The following GALNTL6 variants were observed in gnomAD, a reference collection of about 807,000 sequenced individuals.
The protein encoded by GALNTL6 is polypeptide N-acetylgalactosaminyltransferase like 6, also known as polypeptide N-acetylgalactosaminyltransferase-like 6.
Under a neutral mutation model 73.7 loss-of-function variants are expected in GALNTL6, and 46 were observed. The observed-to-expected ratio is 0.62, with a 90% CI of 0.49 to 0.80. The LOEUF is 0.80. Among genes scored for constraint, GALNTL6 ranks in the 30% least tolerant of loss-of-function variants. GALNTL6 has a pLI of 0.00. For missense variants in GALNTL6, 604 were observed against 755.0 expected (o/e 0.80, Z 2.34); for synonymous variants, 259 against 263.7 (o/e 0.98, Z 0.17).
intron 5 of GALNTL6, among the ~76,000 whole-genome samples, chr4:172,383,676 G>A (rs563344276): frequency 7.0e-4 from 107 of 152,266 alleles, no homozygotes; most frequent in African/African-American, 2.5e-3. Context: ...TCTGATCTAA[G>A]ATTGAAAGCA....
At chr4:171,868,365 G>A (rs542826171) in intron 2 of GALNTL6, among the ~76,000 whole-genome samples, 24 of 144,354 alleles carry the variant, frequency 1.7e-4, no homozygotes, top group Admixed American at 6.7e-4. Flanking sequence ...TTTGATTCGC[G>A]TCTGTAAACA....
chr4:172,909,376 A>G (rs1393833011), intron 8 of GALNTL6, among the ~76,000 whole-genome samples: 3 of 151,964 alleles, frequency 2.0e-5, no homozygotes, highest in African/African-American at 7.2e-5. Context: ...TTATGTGAAA[A>G]TAAAAGTCAA....
chr4:172,413,504 G>T (rs985292579), intron 5 of GALNTL6, among the ~76,000 whole-genome samples: 8 of 152,224 alleles, frequency 5.3e-5, no homozygotes, highest in Non-Finnish European at 1.2e-4. Context: ...GAAAAGAGAT[G>T]CAGATGGATC....
At chr4:171,969,822 G>A (rs1301823273) in intron 2 of GALNTL6, among the ~76,000 whole-genome samples, 1 of 151,096 alleles carries the variant, frequency 6.6e-6, no homozygotes, top group East Asian at 1.9e-4. Flanking sequence ...CAGGCTGGAG[G>A]GCAGTGGCAC....
At chr4:172,054,206 C>T (rs1366090026) in intron 2 of GALNTL6, among the ~76,000 whole-genome samples, 2 of 151,982 alleles carry the variant, frequency 1.3e-5, no homozygotes, top group African/African-American at 4.8e-5. Flanking sequence ...ATAATGGTAA[C>T]TCCAATATAC....
intron 8 of GALNTL6, among the ~76,000 whole-genome samples, chr4:172,915,189 C>T (rs1233726555): frequency 2.0e-5 from 3 of 152,166 alleles, no homozygotes; most frequent in Non-Finnish European, 4.4e-5. Flanking sequence ...TAAAGATGTT[C>T]TTTGAAACCA....
intron 2 of GALNTL6, among the ~76,000 whole-genome samples, chr4:172,063,398 T>A (rs1046592097): frequency 1.3e-5 from 2 of 152,224 alleles, no homozygotes; most frequent in Admixed American, 6.5e-5. Context: ...ATATTTTAAA[T>A]GTCTATAGAA....
chr4:172,854,131 C>A (rs562959809), intron 7 of GALNTL6, among the ~76,000 whole-genome samples: 1 of 152,236 alleles, frequency 6.6e-6, no homozygotes, highest in East Asian at 1.9e-4. Context: ...GAATGCTTCT[C>A]CTTTTCCTCA....
chr4:172,227,959 G>C (rs1418777381), intron 2 of GALNTL6, among the ~76,000 whole-genome samples: 1 of 152,132 alleles, frequency 6.6e-6, no homozygotes, highest in African/African-American at 2.4e-5. Flanking sequence ...AGTTATGTTT[G>C]TAAATTAGTG....
chr4:172,051,460 C>T (rs1408164302), intron 2 of GALNTL6, among the ~76,000 whole-genome samples: 3 of 152,004 alleles, frequency 2.0e-5, no homozygotes, highest in Non-Finnish European at 4.4e-5. Flanking sequence ...TGCATTGGCT[C>T]TCAGTGGGAT....
chr4:172,051,729 T>G (rs1366115886), intron 2 of GALNTL6, among the ~76,000 whole-genome samples: 1 of 152,156 alleles, frequency 6.6e-6, no homozygotes, highest in East Asian at 1.9e-4. Context: ...AAAAGGCAAC[T>G]TTTGGGCATG....
Position 171,988,723 on chromosome 4 carries a change from G to A in GALNTL6, c.138+174005G>A, listed in dbSNP as rs187403671. 1.8e-3 allele frequency among the ~76,000 whole-genome samples: 279 copies of A among 152,302 alleles called. 10 individuals carry two copies. Among genetic ancestry groups the A allele is most frequent in the Middle Eastern group, 6.8e-3 (2 of 294 alleles). On this transcript the variant is annotated intron_variant, in intron 2 of 12. Transcript: ENST00000506823. ...GGCTTTAAAAGGCCATGCTGTAACA[G>A]GTGAGTGATAACAGGCTTTAATCTT...
intron 2 of GALNTL6, among the ~76,000 whole-genome samples, chr4:172,160,174 G>C (rs940419037): frequency 6.6e-6 from 1 of 151,966 alleles, no homozygotes; most frequent in Non-Finnish European, 1.5e-5. Context: ...GTGTGTGTGC[G>C]TGTGCGTGTG....
rs551899265 is a variant in GALNTL6 at position 172,881,919 on chromosome 4, C to G, written c.924-871C>G. ...ATTCCACCTCTTCTGCGTGATTCCT[C>G]AAACCGTGTGCATAGGGAGGTTGTT... is the stretch of plus-strand genomic sequence containing the variant. On this transcript the variant is annotated intron_variant, in intron 7 of 12. Transcript: ENST00000506823. 2.6e-5 allele frequency among the ~76,000 whole-genome samples: 4 copies of G among 152,054 alleles called. No individual in the cohort carries two copies. In the South Asian group the frequency reaches 8.3e-4, roughly 32 times the overall value.
intron 2 of GALNTL6, among the ~76,000 whole-genome samples, chr4:172,040,948 A>G (rs1408981293): frequency 2.6e-5 from 4 of 152,108 alleles, no homozygotes; most frequent in Non-Finnish European, 5.9e-5. Flanking sequence ...GTTGAGTGTT[A>G]TTACATATTA....
intron 2 of GALNTL6, among the ~76,000 whole-genome samples, chr4:172,166,729 A>G (rs566815637): frequency 7.6e-4 from 115 of 152,308 alleles, no homozygotes; most frequent in Non-Finnish European, 1.4e-3. Context: ...GCTTGTTTAT[A>G]TCTTTCTTTG....
At chr4:172,904,234 G>A (rs1051820681) in intron 8 of GALNTL6, among the ~76,000 whole-genome samples, 1 of 152,190 alleles carries the variant, frequency 6.6e-6, no homozygotes, top group African/African-American at 2.4e-5. Flanking sequence ...GATGACAGGT[G>A]TATTCAGTGT....
chr4:171,924,496 A>G (rs1229989186), intron 2 of GALNTL6, among the ~76,000 whole-genome samples: 1 of 152,190 alleles, frequency 6.6e-6, no homozygotes, highest in East Asian at 1.9e-4. Flanking sequence ...GAGTATTTAT[A>G]TAAAAGGGAT....
At chr4:172,040,520 A>G (rs1365079960) in intron 2 of GALNTL6, among the ~76,000 whole-genome samples, 1 of 152,102 alleles carries the variant, frequency 6.6e-6, no homozygotes, top group Non-Finnish European at 1.5e-5. Context: ...ACTTGTGAGA[A>G]AAACAATTTG....
Sources: allele counts gnomAD v4.1 joint callset (sites outside exome capture counted in the v4.1 genomes callset), GRCh38; gene constraint gnomAD v4.1.1; transcripts MANE v1.5; gene names NCBI Gene and HGNC (gene_info 2026-07-23, HGNC 2026-07-21).